The following CFAP97D2 variants were observed in gnomAD, a reference collection of about 807,000 sequenced individuals.
The protein encoded by CFAP97D2 is CFAP97 domain containing 2.
intron 3 of CFAP97D2, among the ~76,000 whole-genome samples, chr13:114,204,605 G>A (rs1448311805): frequency 6.6e-6 from 1 of 152,218 alleles, no homozygotes; most frequent in East Asian, 1.9e-4. Flanking sequence ...TTCCACAAAT[G>A]CTGAGACAAC....
chr13:114,210,454 C>A (rs891053126), intron 3 of CFAP97D2, among the ~76,000 whole-genome samples: 2 of 152,110 alleles, frequency 1.3e-5, no homozygotes, highest in African/African-American at 4.8e-5. Flanking sequence ...CCGATCTAAC[C>A]CTTGACCTTT....
chr13:114,200,910 G>C (rs1237748639), intron 3 of CFAP97D2, among the ~76,000 whole-genome samples: 1 of 152,190 alleles, frequency 6.6e-6, no homozygotes. Flanking sequence ...ACCAAAAGCA[G>C]CAAAAGGTTT....
intron 3 of CFAP97D2, among the ~76,000 whole-genome samples, chr13:114,206,130 G>T (rs1382584349): frequency 1.4e-5 from 2 of 140,404 alleles, no homozygotes; most frequent in African/African-American, 5.3e-5. Context: ...TTGAGACAAA[G>T]TCTTGCTTTG....
intron 2 of CFAP97D2, among the ~76,000 whole-genome samples, chr13:114,198,355 C>A (rs1003824597): frequency 2.0e-5 from 3 of 152,182 alleles, no homozygotes; most frequent in Non-Finnish European, 4.4e-5. Flanking sequence ...AGCCGAGTAA[C>A]CAGTCTCCAG....
chr13:114,197,195 A>G (rs1042255809), intron 2 of CFAP97D2, among the ~76,000 whole-genome samples: 2 of 152,226 alleles, frequency 1.3e-5, no homozygotes, highest in Admixed American at 6.5e-5. Flanking sequence ...TCTCTACAGA[A>G]TGTAGATTTT....
rs1329650653 is a variant in CFAP97D2 at position 114,216,822 on chromosome 13, G to A, written c.480+4721G>A. 3.4e-4 allele frequency among the ~76,000 whole-genome samples: 52 copies of A among 152,214 alleles called. 1 individual carries two copies. Among genetic ancestry groups the A allele is most frequent in the African/African-American group, 1.2e-3 (49 of 41,514 alleles). ...TATATGCCCAGTAATGGGATGACTG[G>A]GTCAAATGGTATTTCTAGTTCTAGA... On this transcript the variant is annotated intron_variant, in intron 4 of 4. Transcript: ENST00000646158.
At chr13:114,210,939 A>G (rs1222394726) in intron 3 of CFAP97D2, among the ~76,000 whole-genome samples, 1 of 151,934 alleles carries the variant, frequency 6.6e-6, no homozygotes, top group East Asian at 1.9e-4. Flanking sequence ...ATGGTGTGCT[A>G]TGGTTTTCCA....
chr13:114,201,405 C>T (rs1419227700), intron 3 of CFAP97D2, among the ~76,000 whole-genome samples: 1 of 152,260 alleles, frequency 6.6e-6, no homozygotes, highest in East Asian at 1.9e-4. Flanking sequence ...TCAGGTACCT[C>T]GAGGTGTGTG....
intron 3 of CFAP97D2, among the ~76,000 whole-genome samples, chr13:114,210,682 C>A (rs977705518): frequency 6.6e-6 from 1 of 152,036 alleles, no homozygotes; most frequent in Non-Finnish European, 1.5e-5. Context: ...GGTCTTCAGC[C>A]CTGTTGTCAC....
intron 4 of CFAP97D2, among the ~76,000 whole-genome samples, chr13:114,218,960 G>A (rs1403144707): frequency 6.6e-6 from 1 of 152,190 alleles, no homozygotes; most frequent in Admixed American, 6.5e-5. Context: ...TCAGGACATA[G>A]GCATGGGCAA....
rs1289451163 is a variant in CFAP97D2 at position 114,187,390 on chromosome 13, C to T, written c.90+7970C>T. On this transcript the variant is annotated intron_variant, in intron 1 of 4. Coordinates refer to ENST00000646158, the Ensembl canonical transcript of CFAP97D2. This position sits in a 1 kb window ranked among gnomAD's most constrained non-coding sequence, Gnocchi z 4.2. ...CCAACTATATGTTGTCCACAAGAAA[C>T]CATTTTAAGTATAAAGACATATAGC... 4.7e-5 allele frequency among the ~76,000 whole-genome samples: 7 copies of T among 149,150 alleles called. No individual in the cohort carries two copies. The highest frequency in any genetic ancestry group is 2.1e-4 in the South Asian group (1 of 4,712).
At chr13:114,199,473 G>T (rs1477581883) in intron 2 of CFAP97D2, among the ~76,000 whole-genome samples, 2 of 9,432 alleles carry the variant, frequency 2.1e-4, no homozygotes, top group Admixed American at 8.3e-4. Context: ...CTTCCCCGTG[G>T]GTACGGTCCC....
intron 3 of CFAP97D2, among the ~76,000 whole-genome samples, chr13:114,206,096 T>C (rs1054103017): frequency 6.7e-6 from 1 of 148,896 alleles, no homozygotes. Flanking sequence ...GTAGCTTTTT[T>C]TCTTTTCCTT....
chr13:114,196,424 C>A, exon 2 of CFAP97D2: 1 of 399,698 alleles, frequency 2.5e-6, no homozygotes, highest in East Asian at 3.6e-5. Context: ...CTGGTAGACA[C>A]CCGCGCCCCG....
In CFAP97D2 at chr13:114,203,745, G is replaced by A. The variant is rs535897924; in HGVS notation, c.290+3302G>A. ...TCCTCCCCTGCCCGTGGCTTCACCC[G>A]TTTCCCCAGTGCGCATGTGGGCATG... On this transcript the variant is annotated intron_variant, in intron 3 of 4. Transcript: ENST00000646158. This position sits in a 1 kb window ranked among gnomAD's most constrained non-coding sequence, Gnocchi z 4.3. 2.6e-5 allele frequency among the ~76,000 whole-genome samples: 4 copies of A among 152,264 alleles called. No individual in the cohort carries two copies. The highest frequency in any genetic ancestry group is 7.2e-5 in the African/African-American group (3 of 41,550).
At chr13:114,218,142 A>C (rs1252582712) in intron 4 of CFAP97D2, among the ~76,000 whole-genome samples, 3 of 152,234 alleles carry the variant, frequency 2.0e-5, no homozygotes, top group African/African-American at 7.2e-5. Context: ...ATCTCACCCC[A>C]AAATCTCCTT....
At chr13:114,217,340 A>G (rs1013250284) in intron 4 of CFAP97D2, among the ~76,000 whole-genome samples, 11 of 152,224 alleles carry the variant, frequency 7.2e-5, no homozygotes, top group Non-Finnish European at 1.5e-4. Flanking sequence ...AAGAAGTTGA[A>G]TCCCTGAATA....
intron 4 of CFAP97D2, among the ~76,000 whole-genome samples, chr13:114,212,904 C>T (rs916202218): frequency 2.0e-5 from 3 of 151,990 alleles, no homozygotes; most frequent in African/African-American, 7.3e-5. Context: ...AAAAAGAAAT[C>T]ATGTGATGAT....
At chr13:114,213,270 A>G (rs1324737351) in intron 4 of CFAP97D2, among the ~76,000 whole-genome samples, 1 of 151,760 alleles carries the variant, frequency 6.6e-6, no homozygotes, top group African/African-American at 2.4e-5. Context: ...CATGGACCCC[A>G]CCCCTGCACA....
Sources: gnomAD v4.1 joint callset for allele counts (sites outside exome capture counted in the v4.1 genomes callset) on GRCh38, gnomAD v4.1.1 for gene constraint, Gnocchi (gnomAD v3.1) non-coding constraint, MANE v1.5 for transcripts, NCBI Gene and HGNC (gene_info 2026-07-23, HGNC 2026-07-21) for gene names.